Variants in SEMA5A observed in about 807,000 individuals in gnomAD.
SEMA5A encodes semaphorin 5A, also known as semaphorin-5A.
A neutral mutation model predicts 135.5 loss-of-function variants in SEMA5A; 55 were observed. The observed-to-expected ratio is 0.41, with a 90% confidence interval of 0.33 to 0.51. The LOEUF (loss-of-function observed/expected upper bound fraction) is 0.51. Ranked by LOEUF, SEMA5A falls within the 20% of genes least tolerant of loss-of-function variation. The pLI is 0.37. For missense variants in SEMA5A, 1,290 were observed against 1,419.9 expected, an observed-to-expected ratio of 0.91 and a Z score of 1.47; for synonymous variants, 580 against 546.5, an observed-to-expected ratio of 1.06 and a Z score of -0.85.
chr5:9,207,463 G>T (rs1203869628), intron 8 of SEMA5A, among the ~76,000 whole-genome samples: 1 of 152,074 alleles, frequency 6.6e-6, no homozygotes, highest in South Asian at 2.1e-4. Context: ...GGGATTATAG[G>T]CATGAGCCAC....
At chr5:9,141,096 T>C (rs1314753489) in intron 12 of SEMA5A, among the ~76,000 whole-genome samples, 1 of 152,234 alleles carries the variant, frequency 6.6e-6, no homozygotes, top group African/African-American at 2.4e-5. Context: ...AAATATCATG[T>C]ATATTTAAAT....
In SEMA5A at chr5:9,291,263, C is replaced by T. The variant is rs975423270; in HGVS notation, c.270+27109G>A. ...TCTGGATGCGGCAGATTTTGCACTTCGCGGATGGTCCCAGCAGCATGTCCC... is the reference window on the plus strand; with the variant it reads ...TCTGGATGCGGCAGATTTTGCACTTTGCGGATGGTCCCAGCAGCATGTCCC... On this transcript the variant is annotated intron_variant, in intron 5 of 22. Coordinates refer to ENST00000382496, the MANE Select transcript of SEMA5A (RefSeq NM_003966.3). Among the ~76,000 whole-genome samples the T allele has an allele frequency of 2.6e-5, 4 of 152,132 alleles. No homozygotes were observed. In the East Asian group the frequency reaches 5.8e-4, roughly 22 times the overall value.
chr5:9,194,182 G>T (rs1367479146), intron 10 of SEMA5A, among the ~76,000 whole-genome samples: 1 of 152,170 alleles, frequency 6.6e-6, no homozygotes, highest in Non-Finnish European at 1.5e-5. Flanking sequence ...GGATGACTTT[G>T]AGGACTGCAG....
chr5:9,490,800 CA>C (rs1734964857), intron 1 of SEMA5A, among the ~76,000 whole-genome samples: 1 of 152,288 alleles, frequency 6.6e-6, no homozygotes, highest in East Asian at 1.9e-4. Flanking sequence ...AATGACCTCA[CA>C]CTTAGGCAAG....
intron 14 of SEMA5A, among the ~76,000 whole-genome samples, 161 bp from the exon 15 acceptor site, chr5:9,119,302 G>C (rs1740688664): frequency 6.6e-6 from 1 of 152,182 alleles, no homozygotes; most frequent in Admixed American, 6.5e-5. Flanking sequence ...TGCACCCTGT[G>C]AATCTCAATT....
chr5:9,149,569 G>A (rs192372638), intron 12 of SEMA5A, among the ~76,000 whole-genome samples: 27 of 152,244 alleles, frequency 1.8e-4, no homozygotes, highest in African/African-American at 5.1e-4. Flanking sequence ...ACTTGAACTC[G>A]GAAGATGGAG....
Position 9,148,659 on chromosome 5 carries a change from C to T in SEMA5A, c.1481+5829G>A, listed in dbSNP as rs186644642. ...AAAACTGCCAGGCTACAGCATGGAA[C>T]GGGCTCCTGAGAGTACAGTGCCTTA... On this transcript the variant is annotated intron_variant, in intron 12 of 22. Coordinates refer to ENST00000382496, the MANE Select transcript of SEMA5A (RefSeq NM_003966.3). 7.4e-4 allele frequency among the ~76,000 whole-genome samples: 113 copies of T among 152,246 alleles called. 3 individuals carry two copies. In the East Asian group the frequency reaches 0.02, roughly 28 times the overall value.
intron 2 of SEMA5A, among the ~76,000 whole-genome samples, chr5:9,420,538 A>T (rs914808169): frequency 5.9e-5 from 9 of 152,216 alleles, no homozygotes; most frequent in African/African-American, 2.2e-4. Flanking sequence ...TAAGACGGGA[A>T]CTTTCAAAGA....
intron 2 of SEMA5A, among the ~76,000 whole-genome samples, chr5:9,381,560 G>C (rs1755609831): frequency 6.6e-6 from 1 of 152,178 alleles, no homozygotes; most frequent in African/African-American, 2.4e-5. Flanking sequence ...CATTCTTTAA[G>C]ACACTGAGAC....
intron 16 of SEMA5A, among the ~76,000 whole-genome samples, chr5:9,107,342 G>T (rs1417014317): frequency 6.6e-6 from 1 of 150,878 alleles, no homozygotes; most frequent in African/African-American, 2.4e-5. Flanking sequence ...AGTGTTAAAA[G>T]AAATATAACC....
chr5:9,189,895 C>T (rs1252988553), intron 11 of SEMA5A, among the ~76,000 whole-genome samples: 1 of 152,206 alleles, frequency 6.6e-6, no homozygotes, highest in African/African-American at 2.4e-5. Flanking sequence ...TGAGAAATAA[C>T]CATGACAATC....
intron 1 of SEMA5A, among the ~76,000 whole-genome samples, chr5:9,496,241 C>T (rs1200340614): frequency 6.6e-6 from 1 of 152,124 alleles, no homozygotes; most frequent in East Asian, 1.9e-4. Flanking sequence ...GATGGGGTTT[C>T]ACCATGTTGG....
intron 8 of SEMA5A, among the ~76,000 whole-genome samples, chr5:9,208,001 A>T (rs948588697): frequency 1.1e-4 from 16 of 152,218 alleles, no homozygotes; most frequent in African/African-American, 3.6e-4. Flanking sequence ...ATATATGTAT[A>T]CATGGCTCAA....
At chr5:9,329,091 G>A (rs1174087449) in intron 4 of SEMA5A, among the ~76,000 whole-genome samples, 1 of 152,088 alleles carries the variant, frequency 6.6e-6, no homozygotes, top group Non-Finnish European at 1.5e-5. Context: ...GATTCCTCAA[G>A]CATCTCTCAG....
chr5:9,239,560 A>C (rs553197092), intron 5 of SEMA5A, among the ~76,000 whole-genome samples: 1 of 152,264 alleles, frequency 6.6e-6, no homozygotes, highest in South Asian at 2.1e-4. Context: ...AATATTACTC[A>C]GTTTTTTTGT....
intron 15 of SEMA5A, among the ~76,000 whole-genome samples, chr5:9,117,298 A>G (rs1348812868): frequency 6.6e-6 from 1 of 152,114 alleles, no homozygotes; most frequent in Non-Finnish European, 1.5e-5. Flanking sequence ...AACACATGCT[A>G]AGTTTGTGGT....
intron 3 of SEMA5A, among the ~76,000 whole-genome samples, chr5:9,369,848 C>T (rs1350913398): frequency 6.6e-6 from 1 of 151,968 alleles, no homozygotes; most frequent in African/African-American, 2.4e-5. Flanking sequence ...AGTTCCATCG[C>T]TGATGGAACA....
At chr5:9,439,794 A>C (rs1758166576) in intron 1 of SEMA5A, among the ~76,000 whole-genome samples, 1 of 152,236 alleles carries the variant, frequency 6.6e-6, no homozygotes, top group Admixed American at 6.5e-5. Context: ...AACAGACTCC[A>C]AAACCCAGCC....
rs1322925731 is a variant in SEMA5A, at chr5:9,037,526, T to A, written c.*5371A>T. ...ATGACCACTGAGTATATCTTTGATCTATCTGCTAAAACAATGTGTACAATG... is the reference window on the plus strand; with the variant it reads ...ATGACCACTGAGTATATCTTTGATCAATCTGCTAAAACAATGTGTACAATG... On this transcript the variant is annotated 3_prime_UTR_variant, in exon 23 of 23. Transcript: ENST00000382496. The A allele has an allele frequency of 6.6e-6, 1 of 152,232 alleles. No homozygotes were observed. The highest frequency in any genetic ancestry group is 1.5e-5 in the Non-Finnish European group (1 of 68,030). The allele number at this position is 152,232 out of a possible 1,614,324, so 9.4% of individuals were successfully genotyped here.
Sources: gnomAD v4.1 joint callset for allele counts (sites outside exome capture counted in the v4.1 genomes callset) on GRCh38, gnomAD v4.1.1 for gene constraint, MANE v1.5 for transcripts, NCBI Gene and HGNC (gene_info 2026-07-23, HGNC 2026-07-21) for gene names.